ANXA1: variants seen among roughly 807,000 people sequenced by gnomAD.
The protein encoded by ANXA1 is annexin I (lipocortin I).
A neutral mutation model predicts 47.9 loss-of-function variants in ANXA1; 39 were observed. The ratio of observed to expected loss-of-function variants is 0.81; its 90% confidence interval spans 0.63 to 1.06. ANXA1 has a LOEUF of 1.06. Ranked by LOEUF, ANXA1 falls within the 50% of genes least tolerant of loss-of-function variation. The pLI is 0.00. For missense variants in ANXA1, 446 were observed against 422.7 expected, an observed-to-expected ratio of 1.06 and a Z score of -0.48; for synonymous variants, 146 against 142.5, an observed-to-expected ratio of 1.02 and a Z score of -0.17.
At chr9:73,165,045 A>G in intron 8 of ANXA1, 71 bp from the exon 9 acceptor site, 2 of 1,231,972 alleles carry the variant, frequency 1.6e-6, no homozygotes, top group Non-Finnish European at 2.4e-6. Context: ...AATCTTTGAC[A>G]AGGTCTAACA....
At chr9:73,155,008 T>C (rs574377452) in intron 1 of ANXA1, among the ~76,000 whole-genome samples, 2 of 152,218 alleles carry the variant, frequency 1.3e-5, no homozygotes, top group Admixed American at 1.3e-4. Flanking sequence ...TAGCCTTTCA[T>C]GAGGCTGAGA....
chr9:73,168,769 G>T, intron 11 of ANXA1: 1 of 237,288 alleles, frequency 4.2e-6, no homozygotes. Flanking sequence ...GTAATTATTG[G>T]ACAGTGTAGA....
intron 1 of ANXA1, among the ~76,000 whole-genome samples, chr9:73,153,910 A>G (rs1824007515): frequency 6.6e-6 from 1 of 152,186 alleles, no homozygotes; most frequent in South Asian, 2.1e-4. Context: ...GGGCTGGTGT[A>G]GGGGTGAAGT....
At chr9:73,158,433 G>A (rs537232568) in intron 1 of ANXA1, 89 bp from the exon 2 acceptor site, 1 of 973,936 alleles carries the variant, frequency 1.0e-6, no homozygotes, top group Non-Finnish European at 1.6e-6. Flanking sequence ...ACTCTCTAAT[G>A]CTAACTCTTA....
chr9:73,157,167 C>T (rs1824060635), intron 1 of ANXA1, among the ~76,000 whole-genome samples: 1 of 152,038 alleles, frequency 6.6e-6, no homozygotes, highest in Non-Finnish European at 1.5e-5. Context: ...ATATGTAGGA[C>T]TACTATTTAG....
rs1824302569 is a variant in ANXA1 at position 73,170,303 on chromosome 9, C to T, written c.*196C>T. ...AGTCCATTTTTTAAAAATGTTTTCC[C>T]CAAACCATAAAACCCTATACAAGTT... On this transcript the variant is annotated 3_prime_UTR_variant, in exon 13 of 13. Transcript: ENST00000257497. The T allele has an allele frequency of 7.4e-6, 3 of 403,240 alleles. No individual in the cohort carries two copies. The highest frequency in any genetic ancestry group is 9.3e-5 in the South Asian group (1 of 10,704). 25.0% of individuals were successfully genotyped at this position (403,240 alleles called of 1,614,324 possible).
chr9:73,162,871 A>C lies in ANXA1; in HGVS notation c.555+10A>C, dbSNP rs774290837. 3.7e-6 allele frequency: 6 copies of C among 1,600,338 alleles called. No homozygotes were observed. The South Asian group carries it at 6.6e-5, about 18-fold the overall frequency. On this transcript the variant is annotated intron_variant, in intron 7 of 12. Coordinates refer to ENST00000257497, the MANE Select transcript of ANXA1 (RefSeq NM_000700.3). The stretch of plus-strand genomic sequence containing the variant: ...GCTTTCTCTTGCTAAGGTACAACTC[A>C]GATACTTTAGGAAATGCCTCTTGTT...
chr9:73,170,015 G>A (rs186704806), intron 12 of ANXA1, 36 bp from the exon 13 acceptor site: 16 of 1,503,700 alleles, frequency 1.1e-5, no homozygotes, highest in South Asian at 5.0e-5. Flanking sequence ...TTATGGTTTC[G>A]ACTAACATTA....
At chr9:73,161,576 C>T (rs1225208129) in intron 6 of ANXA1, among the ~76,000 whole-genome samples, 1 of 151,996 alleles carries the variant, frequency 6.6e-6, no homozygotes, top group Non-Finnish European at 1.5e-5. Context: ...TTGGCTTTCC[C>T]AATGCAATAT....
chr9:73,165,252 G>A lies in ANXA1; in HGVS notation c.706+43G>A, dbSNP rs764872887. 107 of 1,526,712 alleles carry A rather than the reference G, an allele frequency of 7.0e-5. 1 individual carries two copies. In the Admixed American group the frequency reaches 1.9e-3, roughly 27 times the overall value. The allele number at this position is 1,526,712 out of a possible 1,614,324, so 94.6% of individuals were successfully genotyped here. On this transcript the variant is annotated intron_variant, in intron 9 of 12. Transcript: ENST00000257497. ...TTTCTGGAATCTGTTTATGGAAGAT[G>A]CAATTTTCTTTTTTGATGACAAATA...
intron 1 of ANXA1, among the ~76,000 whole-genome samples, chr9:73,153,607 A>G (rs1824003507): frequency 6.6e-6 from 1 of 152,200 alleles, no homozygotes; most frequent in African/African-American, 2.4e-5. Flanking sequence ...GTTTTTCTTG[A>G]GGTCAGATCG....
Position 73,170,298 on chromosome 9 carries a change from T to C in ANXA1, c.*191T>C, listed in dbSNP as rs1040069045. The stretch of plus-strand genomic sequence containing the variant: ...AGATAAGTCCATTTTTTAAAAATGT[T>C]TTCCCCAAACCATAAAACCCTATAC... On this transcript the variant is annotated 3_prime_UTR_variant, in exon 13 of 13. Transcript: ENST00000257497. 3.2e-5 allele frequency: 13 copies of C among 411,528 alleles called. No individual in the cohort carries two copies. Among genetic ancestry groups the C allele is most frequent in the African/African-American group, 2.7e-4 (13 of 49,000 alleles). The allele number at this position is 411,528 out of a possible 1,614,324, so 25.5% of individuals were successfully genotyped here. A position where few individuals can be genotyped will look rare whatever the true frequency, so the allele number is the denominator to read the frequency against.
In ANXA1 at chr9:73,170,034, T is replaced by C. The variant is rs754696393; in HGVS notation, c.985-17T>C. ...GGTTTCGACTAACATTAAGTATACCTTTTTTTGAATCAACAGGATGAAACC... is the reference window on the plus strand; with the variant it reads ...GGTTTCGACTAACATTAAGTATACCCTTTTTTGAATCAACAGGATGAAACC... On this transcript the variant is annotated splice_polypyrimidine_tract_variant and intron_variant, in intron 12 of 12. Coordinates refer to ENST00000257497, the MANE Select transcript of ANXA1 (RefSeq NM_000700.3). 4.4e-6 allele frequency: 7 copies of C among 1,579,358 alleles called. No individual in the cohort carries two copies. The African/African-American group carries it at 8.2e-5, about 18-fold the overall frequency.
chr9:73,158,955 T>G (rs1039547397), intron 3 of ANXA1, 152 bp downstream of exon 3: 9 of 695,052 alleles, frequency 1.3e-5, no homozygotes, highest in Admixed American at 2.7e-5. Flanking sequence ...ATTATTTACT[T>G]AACACTGAGG....
At chr9:73,154,139 C>T (rs1824011120) in intron 1 of ANXA1, 1 of 364,954 alleles carries the variant, frequency 2.7e-6, no homozygotes, top group African/African-American at 2.2e-5. Flanking sequence ...GGCTACCTTT[C>T]ATAAATTGCT....
At position 73,167,715 on chromosome 9, in the gene ANXA1, A is replaced by G. The variant is rs1824256803; in HGVS notation, c.861+160A>G. ...AGAGGTAATACACTACCTTCTCAGAATAAACTTCTGTTAGATTCGGTGCTT... is the reference window on the plus strand; with the variant it reads ...AGAGGTAATACACTACCTTCTCAGAGTAAACTTCTGTTAGATTCGGTGCTT... On this transcript the variant is annotated intron_variant, in intron 11 of 12. Coordinates refer to ENST00000257497, the MANE Select transcript of ANXA1 (RefSeq NM_000700.3). The G allele has an allele frequency of 7.9e-6, 5 of 635,452 alleles. No homozygotes were observed. The Admixed American group carries it at 1.4e-4, about 17-fold the overall frequency. 39.4% of individuals were successfully genotyped at this position (635,452 alleles called of 1,614,324 possible).
intron 5 of ANXA1, 81 bp from the exon 6 acceptor site, chr9:73,160,722 T>A: frequency 9.7e-7 from 1 of 1,025,774 alleles, no homozygotes; most frequent in Non-Finnish European, 1.5e-6. Context: ...GTCAAACAAA[T>A]TTTGGAACAC....
rs1234643447 is a variant in ANXA1, at chr9:73,165,157, A to T, written c.654A>T (p.Val218=). The part of the protein sequence containing the change: ...EAGERRKGTD[V]NVFNTILTTR... Reference sequence around the variant, plus strand: ...GAGAAAGGAGAAAGGGGACAGACGTAAACGTGTTCAATACCATCCTTACCA... The same window carrying T: ...GAGAAAGGAGAAAGGGGACAGACGTTAACGTGTTCAATACCATCCTTACCA... Residue 218 remains valine (V), a synonymous_variant, in exon 9 of 13, where the codon GTA becomes GTT. Coordinates refer to ENST00000257497, the MANE Select transcript of ANXA1 (RefSeq NM_000700.3). 15 of 1,612,752 alleles carry T rather than the reference A, an allele frequency of 9.3e-6. No homozygotes were observed. Among genetic ancestry groups the T allele is most frequent in the Non-Finnish European group, 1.3e-5 (15 of 1,179,156 alleles).
intron 1 of ANXA1, among the ~76,000 whole-genome samples, chr9:73,152,986 C>T (rs1233109161): frequency 6.6e-6 from 1 of 152,112 alleles, no homozygotes; most frequent in Admixed American, 6.6e-5. Context: ...TTTGAGAAAG[C>T]AATGTTGCCC....
Sources: gnomAD v4.1 joint callset for allele counts (sites outside exome capture counted in the v4.1 genomes callset) on GRCh38, gnomAD v4.1.1 for gene constraint, MANE v1.5 for transcripts, NCBI Gene and HGNC (gene_info 2026-07-23, HGNC 2026-07-21) for gene names.